The following ARID4B variants were observed in gnomAD, a reference collection of about 807,000 sequenced individuals.
The protein encoded by ARID4B is AT-rich interactive domain-containing protein 4B.
A neutral mutation model predicts 147.5 loss-of-function variants in ARID4B; 26 were observed. The observed-to-expected ratio is 0.18, with a 90% CI of 0.13 to 0.24. The LOEUF (loss-of-function observed/expected upper bound fraction) is 0.24. ARID4B is among the 10% of genes least tolerant of loss of function. ARID4B has a pLI of 1.00. For synonymous variants in ARID4B, 512 were observed against 507.9 expected, an observed-to-expected ratio of 1.01 and a Z score of -0.11; for missense variants, 1,179 against 1,511.5, an observed-to-expected ratio of 0.78 and a Z score of 3.65.
At chr1:235,236,238 C>T (rs746757028) in intron 8 of ARID4B, among the ~76,000 whole-genome samples, 26 of 152,232 alleles carry the variant, frequency 1.7e-4, no homozygotes, top group Middle Eastern at 3.4e-3. Context: ...TTACCAAAAA[C>T]TATCCATCAC....
At chr1:235,270,403 T>C (rs1479061051) in intron 2 of ARID4B, among the ~76,000 whole-genome samples, 4 of 152,224 alleles carry the variant, frequency 2.6e-5, no homozygotes, top group African/African-American at 9.6e-5. Context: ...TTATTTTTGG[T>C]TTTTTACATG....
intron 2 of ARID4B, among the ~76,000 whole-genome samples, chr1:235,318,318 G>A (rs372839408): frequency 6.6e-6 from 1 of 151,914 alleles, no homozygotes; most frequent in East Asian, 1.9e-4. Context: ...TGGGATTACA[G>A]GCGCCCACCA....
chr1:235,255,820 T>C, intron 4 of ARID4B, 70 bp from the exon 5 acceptor site: 1 of 1,106,076 alleles, frequency 9.0e-7, no homozygotes, highest in Non-Finnish European at 1.3e-6. Context: ...CTGGGTTTGT[T>C]TTCTTTTAAC....
intron 16 of ARID4B, among the ~76,000 whole-genome samples, chr1:235,218,088 C>G (rs1315741090): frequency 2.6e-5 from 4 of 152,158 alleles, no homozygotes; most frequent in Admixed American, 6.5e-5. Flanking sequence ...TTTTATTGCA[C>G]TGTACTCACC....
intron 17 of ARID4B, among the ~76,000 whole-genome samples, chr1:235,206,254 T>C (rs1219560968): frequency 6.6e-6 from 1 of 152,188 alleles, no homozygotes. Flanking sequence ...AGTTCACTTT[T>C]GTAATAATAC....
intron 9 of ARID4B, among the ~76,000 whole-genome samples, chr1:235,232,878 C>T (rs1668331626): frequency 6.6e-6 from 1 of 151,906 alleles, no homozygotes; most frequent in African/African-American, 2.4e-5. Flanking sequence ...GTTGTTGTCA[C>T]CCAGGCTGGA....
chr1:235,262,586 C>T (rs1389770749), intron 2 of ARID4B, among the ~76,000 whole-genome samples: 2 of 152,076 alleles, frequency 1.3e-5, no homozygotes, highest in East Asian at 3.8e-4. Context: ...ATATCATTTT[C>T]CCTGGCCAAA....
intron 19 of ARID4B, among the ~76,000 whole-genome samples, chr1:235,193,388 C>T (rs957000005): frequency 8.5e-5 from 13 of 152,246 alleles, no homozygotes; most frequent in Middle Eastern, 3.4e-3. Context: ...CAGAGTGAGA[C>T]CCTGTCTCAA....
At chr1:235,197,338 C>T (rs762852995) in intron 17 of ARID4B, among the ~76,000 whole-genome samples, 9 of 152,108 alleles carry the variant, frequency 5.9e-5, no homozygotes, top group Non-Finnish European at 1.2e-4. Context: ...AAGGAAGTAA[C>T]AAAGTCCCCA....
intron 2 of ARID4B, among the ~76,000 whole-genome samples, chr1:235,305,353 C>T (rs1327634867): frequency 1.3e-5 from 2 of 152,200 alleles, no homozygotes; most frequent in African/African-American, 4.8e-5. Context: ...TTCAAAACTC[C>T]TCCCTCTCGA....
In ARID4B at chr1:235,214,837, C is replaced by CTTTTTTTTT. The variant is rs10657168; in HGVS notation, c.1584-820_1584-812dup. 2.5e-4 allele frequency among the ~76,000 whole-genome samples: 26 copies of CTTTTTTTTT among 102,316 alleles called. 2 individuals are homozygous for CTTTTTTTTT. The highest frequency in any genetic ancestry group is 5.6e-4 in the African/African-American group (15 of 27,002). The allele number at this position is 102,316 out of a possible 152,430, so 67.1% of individuals were successfully genotyped here. A position where few individuals can be genotyped will look rare whatever the true frequency, so the allele number is the denominator to read the frequency against. ...ACTATTCTAGAAAGAGTATTACATC[C>CTTTTTTTTT]TTTTTTTTTTTTTTTTTTTTGATAG... is the stretch of plus-strand genomic sequence containing the variant. On this transcript the variant is annotated intron_variant, in intron 16 of 23. Transcript: ENST00000264183.
At chr1:235,271,060 A>C (rs1040737283) in intron 2 of ARID4B, among the ~76,000 whole-genome samples, 22 of 152,212 alleles carry the variant, frequency 1.4e-4, no homozygotes, top group Non-Finnish European at 8.8e-5. Flanking sequence ...TGATTTAAAA[A>C]AAAAAATCCT....
chr1:235,227,577 A>C (rs1204700778), intron 11 of ARID4B, among the ~76,000 whole-genome samples: 1 of 152,178 alleles, frequency 6.6e-6, no homozygotes, highest in African/African-American at 2.4e-5. Flanking sequence ...ATTTCATTTC[A>C]TGGTCAAATA....
At chr1:235,198,159 T>C (rs1334890414) in intron 17 of ARID4B, among the ~76,000 whole-genome samples, 3 of 152,244 alleles carry the variant, frequency 2.0e-5, no homozygotes, top group Non-Finnish European at 4.4e-5. Context: ...ATAACATTAA[T>C]GTGAGCTAAA....
At chr1:235,299,031 A>G (rs1025286795) in intron 2 of ARID4B, among the ~76,000 whole-genome samples, 1 of 152,154 alleles carries the variant, frequency 6.6e-6, no homozygotes, top group Non-Finnish European at 1.5e-5. Flanking sequence ...AGGCAAGAGG[A>G]TGGCTTGAAC....
chr1:235,277,850 T>C (rs1671438889), intron 2 of ARID4B, among the ~76,000 whole-genome samples: 1 of 152,120 alleles, frequency 6.6e-6, no homozygotes, highest in Non-Finnish European at 1.5e-5. Flanking sequence ...AGGAAACATA[T>C]TTAAGTCAAA....
intron 15 of ARID4B, 49 bp from the exon 16 acceptor site, chr1:235,220,017 C>T: frequency 3.9e-6 from 5 of 1,274,404 alleles, no homozygotes; most frequent in Non-Finnish European, 5.3e-6. Context: ...AAATTTTCAA[C>T]CTATATCCAT....
At chr1:235,202,106 T>G (rs1665982171) in intron 17 of ARID4B, among the ~76,000 whole-genome samples, 1 of 151,286 alleles carries the variant, frequency 6.6e-6, no homozygotes, top group East Asian at 1.9e-4. Context: ...TTAGGAATTA[T>G]GATTACAAAT....
intron 2 of ARID4B, among the ~76,000 whole-genome samples, chr1:235,275,506 T>C (rs1178372335): frequency 2.0e-5 from 3 of 152,152 alleles, no homozygotes; most frequent in African/African-American, 7.2e-5. Flanking sequence ...ACTGAGAGAA[T>C]AGCTAGCCTT....
Sources: allele counts gnomAD v4.1 joint callset (sites outside exome capture counted in the v4.1 genomes callset), GRCh38; gene constraint gnomAD v4.1.1; transcripts MANE v1.5; gene names NCBI Gene and HGNC (gene_info 2026-07-23, HGNC 2026-07-21).